The following CAP2 variants were observed in gnomAD, a reference collection of about 807,000 sequenced individuals.
CAP2 encodes the protein cyclase associated actin cytoskeleton regulatory protein 2.
In CAP2, 24 loss-of-function variants were observed where a neutral mutation model predicts 57.7. That is an observed-to-expected ratio of 0.42 (90% CI 0.30 to 0.58). The LOEUF is 0.58. CAP2 is among the 20% of genes least tolerant of loss of function. The pLI, the probability that CAP2 is intolerant of heterozygous loss-of-function variation, is 0.22. For missense variants in CAP2, 501 were observed against 590.3 expected (o/e 0.85, Z 1.57); for synonymous variants, 194 against 207.2 (o/e 0.94, Z 0.55).
At chr6:17,418,465 T>C (rs1202651212) in intron 1 of CAP2, among the ~76,000 whole-genome samples, 2 of 152,170 alleles carry the variant, frequency 1.3e-5, no homozygotes, top group Admixed American at 6.5e-5. Context: ...GTTTGTGGGC[T>C]GACTCCTGTT....
chr6:17,395,989 C>G (rs924159531), intron 1 of CAP2, among the ~76,000 whole-genome samples: 2 of 152,020 alleles, frequency 1.3e-5, no homozygotes, highest in Admixed American at 1.3e-4. Flanking sequence ...TAAAAATGGG[C>G]AAAGGATCTG....
chr6:17,397,618 C>T (rs1758701978), intron 1 of CAP2, among the ~76,000 whole-genome samples: 1 of 149,476 alleles, frequency 6.7e-6, no homozygotes, highest in South Asian at 2.1e-4. Context: ...TGGCGTGAAC[C>T]CGGGAGGCGG....
chr6:17,406,836 C>T (rs980875381), intron 1 of CAP2, among the ~76,000 whole-genome samples: 1 of 152,150 alleles, frequency 6.6e-6, no homozygotes, highest in Non-Finnish European at 1.5e-5. Context: ...TTCTATTAGC[C>T]AGGGCCCCCT....
At chr6:17,523,133 G>A (rs1762428257) in intron 7 of CAP2, among the ~76,000 whole-genome samples, 1 of 152,212 alleles carries the variant, frequency 6.6e-6, no homozygotes, top group South Asian at 2.1e-4. Context: ...CCTGATACGT[G>A]TTGGGAGACT....
chr6:17,536,391 G>A (rs1474224555), intron 7 of CAP2: 7 of 432,860 alleles, frequency 1.6e-5, no homozygotes, highest in South Asian at 3.3e-5. Context: ...ACAAGAGCCC[G>A]GTATTGTGCT....
chr6:17,477,253 G>T lies in CAP2; in HGVS notation c.300+14180G>T, dbSNP rs74780636. ...AGTGTAGGTGTTAATTAGTAGCAAG[G>T]CAGTAATGAAAAGAGTGTAACTGTG... On this transcript the variant is annotated intron_variant, in intron 4 of 12. Coordinates refer to ENST00000229922, the MANE Select transcript of CAP2 (RefSeq NM_006366.3). Among the ~76,000 whole-genome samples the T allele has an allele frequency of 4.9e-3, 748 of 152,344 alleles. 3 individuals carry two copies. The highest frequency in any genetic ancestry group is 8.1e-3 in the Non-Finnish European group (549 of 68,036).
rs374856579 is a variant in CAP2, at chr6:17,553,416, G to A, written c.1350+1812G>A. 3.9e-5 allele frequency among the ~76,000 whole-genome samples: 6 copies of A among 152,068 alleles called. No homozygotes were observed. In the East Asian group the frequency reaches 5.8e-4, roughly 15 times the overall value. ...TGGGAGGCCGAGGCGGGCAGATCACGAGCTCAGGAGATCAAGACCATCCTG... is the reference window on the plus strand; with the variant it reads ...TGGGAGGCCGAGGCGGGCAGATCACAAGCTCAGGAGATCAAGACCATCCTG... On this transcript the variant is annotated intron_variant, in intron 12 of 12. Coordinates refer to ENST00000229922, the MANE Select transcript of CAP2 (RefSeq NM_006366.3).
At chr6:17,533,224 T>C (rs1465784464) in intron 7 of CAP2, among the ~76,000 whole-genome samples, 1 of 151,880 alleles carries the variant, frequency 6.6e-6, no homozygotes, top group East Asian at 1.9e-4. Context: ...TTAAATAGAG[T>C]ATACTTATAT....
intron 3 of CAP2, among the ~76,000 whole-genome samples, chr6:17,428,778 A>AAAAAAAAAGTT (rs1413484212): frequency 1.3e-5 from 2 of 152,002 alleles, no homozygotes; most frequent in Non-Finnish European, 2.9e-5. Context: ...GTATAATAAA[A>AAAAAAAAAGTT]AAAAAAAGTT....
rs915267956 is a variant in CAP2, at chr6:17,525,208, A to G, written c.636+11254A>G. Among the ~76,000 whole-genome samples the G allele has an allele frequency of 1.1e-4, 17 of 152,120 alleles. No homozygotes were observed. The East Asian group carries it at 2.9e-3, about 26-fold the overall frequency. On this transcript the variant is annotated intron_variant, in intron 7 of 12. Transcript: ENST00000229922. ...ATGAGCCACCACACCTGGCCATTTT[A>G]GAGTATTAAATCTTTCTCTCCATCA...
At chr6:17,426,302 G>A (rs889716351) in intron 2 of CAP2, among the ~76,000 whole-genome samples, 3 of 146,476 alleles carry the variant, frequency 2.0e-5, no homozygotes, top group Middle Eastern at 3.4e-3. Flanking sequence ...GCGCGATCTC[G>A]ACTCACTGAG....
At position 17,506,657 on chromosome 6, in the gene CAP2, G is replaced by A. The variant is rs193212044; in HGVS notation, c.301-512G>A. ...CATCTCAAAAAAAAAAAAGGGTTGCGGGGGAGGCCTCAGTGAAAGATTTCC... is the reference window on the plus strand; with the variant it reads ...CATCTCAAAAAAAAAAAAGGGTTGCAGGGGAGGCCTCAGTGAAAGATTTCC... On this transcript the variant is annotated intron_variant, in intron 4 of 12. Coordinates refer to ENST00000229922, the MANE Select transcript of CAP2 (RefSeq NM_006366.3). Among the ~76,000 whole-genome samples the A allele has an allele frequency of 4.9e-3, 751 of 151,902 alleles. 7 individuals carry two copies. The highest frequency in any genetic ancestry group is 0.017 in the African/African-American group (695 of 41,478).
chr6:17,436,086 T>TTTCTTTCCTTCCTTCC (rs778187025), intron 3 of CAP2, among the ~76,000 whole-genome samples: 3,999 of 133,806 alleles, frequency 0.03, 104 homozygotes, highest in Non-Finnish European at 0.039. Context: ...TCTTTCTTTC[T>TTTCTTTCCTTCCTTCC]TTCCTTCCTT....
At chr6:17,434,231 C>CTTTTTTTTTTTTTTTTTTTT (rs1219210615) in intron 3 of CAP2, among the ~76,000 whole-genome samples, 1 of 137,114 alleles carries the variant, frequency 7.3e-6, no homozygotes, top group African/African-American at 3.1e-5. Context: ...CTCTTTTTTT[C>CTTTTTTTTTTTTTTTTTTTT]TTTCTTTTTT....
At chr6:17,394,501 TA>T (rs2113489207) in intron 1 of CAP2, among the ~76,000 whole-genome samples, 1 of 152,320 alleles carries the variant, frequency 6.6e-6, no homozygotes, top group East Asian at 1.9e-4. Flanking sequence ...GATGCATTCT[TA>T]AAAATGAGTA....
chr6:17,552,931 T>A (rs1763204848), intron 12 of CAP2, among the ~76,000 whole-genome samples: 1 of 151,936 alleles, frequency 6.6e-6, no homozygotes, highest in Non-Finnish European at 1.5e-5. Flanking sequence ...CATTTCAGTT[T>A]AAAAAAACAA....
At chr6:17,480,457 C>T (rs1371189546) in intron 4 of CAP2, among the ~76,000 whole-genome samples, 1 of 152,076 alleles carries the variant, frequency 6.6e-6, no homozygotes. Context: ...CAAAGGCCAA[C>T]GAGGGCAAAA....
chr6:17,490,511 G>T (rs984102480), intron 4 of CAP2, among the ~76,000 whole-genome samples: 1 of 152,216 alleles, frequency 6.6e-6, no homozygotes, highest in African/African-American at 2.4e-5. Context: ...TTTCTTTCAG[G>T]CTAGAAAAGA....
At position 17,463,030 on chromosome 6, in the gene CAP2, G is replaced by A. The variant is rs1760767071; in HGVS notation, c.257G>A (p.Arg86Gln). The change falls in exon 4 of 13, where the codon CGG becomes CAG. Residue 86 changes from arginine (R) to glutamine (Q), a missense_variant. Arg to Gln is a conservative substitution (Grantham distance 43). Coordinates refer to ENST00000229922, the MANE Select transcript of CAP2 (RefSeq NM_006366.3). The part of the protein sequence containing the change: ...EMVHSAFQAQ[R>Q]AFLLMASQYQ... ...GTGCACAGTGCTTTCCAGGCCCAGC[G>A]GGCTTTCCTTCTGATGGCCTCTCAG... 3.7e-6 allele frequency: 6 copies of A among 1,614,102 alleles called. No homozygotes were observed. The highest frequency in any genetic ancestry group is 2.2e-5 in the South Asian group (2 of 91,072).
Sources: allele counts gnomAD v4.1 joint callset (sites outside exome capture counted in the v4.1 genomes callset), GRCh38; gene constraint gnomAD v4.1.1; transcripts MANE v1.5; gene names NCBI Gene and HGNC (gene_info 2026-07-23, HGNC 2026-07-21).